The following NKAIN2 variants were observed in gnomAD, a reference collection of about 807,000 sequenced individuals.
The protein encoded by NKAIN2 is sodium/potassium transporting ATPase interacting 2.
In NKAIN2, 14 loss-of-function variants were observed where a neutral mutation model predicts 32.6. The observed-to-expected ratio is 0.43, with a 90% CI of 0.28 to 0.67. NKAIN2 has a LOEUF of 0.67. NKAIN2 is among the 30% of genes least tolerant of loss of function. The pLI is 0.17. For missense variants in NKAIN2, 198 were observed against 258.3 expected (o/e 0.77, Z 1.60); for synonymous variants, 80 against 87.2 (o/e 0.92, Z 0.46).
intron 1 of NKAIN2, among the ~76,000 whole-genome samples, chr6:124,038,416 T>C (rs1781705530): frequency 6.6e-6 from 1 of 152,032 alleles, no homozygotes; most frequent in Non-Finnish European, 1.5e-5. Context: ...GGTTTCACCA[T>C]GTTGGTCAGG....
chr6:123,907,372 A>G (rs1326945298), intron 1 of NKAIN2, among the ~76,000 whole-genome samples: 1 of 152,204 alleles, frequency 6.6e-6, no homozygotes, highest in African/African-American at 2.4e-5. Context: ...TTTGATAGCT[A>G]TAATAGACTT....
chr6:124,509,248 T>G (rs987777179), intron 3 of NKAIN2, among the ~76,000 whole-genome samples: 3 of 152,144 alleles, frequency 2.0e-5, no homozygotes, highest in Non-Finnish European at 4.4e-5. Context: ...ATGATTAAGA[T>G]TCAAGAGACT....
intron 1 of NKAIN2, among the ~76,000 whole-genome samples, chr6:124,210,089 A>G (rs183136410): frequency 1.6e-4 from 24 of 151,772 alleles, no homozygotes; most frequent in East Asian, 1.2e-3. Context: ...GAGTTCTTAC[A>G]TTTAAGTCTT....
At chr6:123,824,295 A>T (rs757608190) in intron 1 of NKAIN2, among the ~76,000 whole-genome samples, 20 of 152,164 alleles carry the variant, frequency 1.3e-4, no homozygotes, top group Non-Finnish European at 2.9e-4. Flanking sequence ...AAACTGCCTT[A>T]TTCCTAGACT....
intron 1 of NKAIN2, among the ~76,000 whole-genome samples, chr6:123,943,795 C>A (rs1029512820): frequency 2.0e-5 from 3 of 151,932 alleles, no homozygotes; most frequent in African/African-American, 7.2e-5. Context: ...ACTGGAAGAG[C>A]AAATTTGGAG....
At chr6:124,306,988 C>A (rs6940259) in intron 2 of NKAIN2, among the ~76,000 whole-genome samples, 109 of 152,182 alleles carry the variant, frequency 7.2e-4, no homozygotes, top group African/African-American at 2.6e-3. Flanking sequence ...TTATTACATG[C>A]CTAACAAGTG....
At chr6:123,804,330 GC>G in intron 1 of NKAIN2, 76 bp downstream of exon 1, 2 of 1,220,880 alleles carry the variant, frequency 1.6e-6, no homozygotes, top group South Asian at 2.4e-5. Flanking sequence ...CAAAGGGTCT[GC>G]CATTGACTAG....
chr6:124,199,145 G>A (rs185260165), intron 1 of NKAIN2, among the ~76,000 whole-genome samples: 7 of 152,170 alleles, frequency 4.6e-5, no homozygotes, highest in East Asian at 1.9e-4. Context: ...GTAGTTAGAC[G>A]ACAGGATTTT....
chr6:124,383,189 C>T (rs564071165), intron 3 of NKAIN2, among the ~76,000 whole-genome samples: 1 of 152,254 alleles, frequency 6.6e-6, no homozygotes, highest in African/African-American at 2.4e-5. Flanking sequence ...AATTTTACCT[C>T]GCTAGTGTCT....
intron 3 of NKAIN2, among the ~76,000 whole-genome samples, chr6:124,566,719 G>A (rs1439676304): frequency 6.6e-6 from 1 of 152,058 alleles, no homozygotes; most frequent in African/African-American, 2.4e-5. Flanking sequence ...ATACTAATAT[G>A]CACTTTAAAT....
At chr6:124,413,730 T>C (rs1425886479) in intron 3 of NKAIN2, among the ~76,000 whole-genome samples, 1 of 152,200 alleles carries the variant, frequency 6.6e-6, no homozygotes. Flanking sequence ...TTCTCAGCAA[T>C]GGAAAATATA....
rs563319426 is a variant in NKAIN2, at chr6:124,797,169, CAAA to C, written c.535+5791_535+5793del. ...AGAAAATATTGCTAATCCATGTTAGCAAAAAAAAAAAAAAAAAAAAAAATCATC... is the reference window on the plus strand; with the variant it reads ...AGAAAATATTGCTAATCCATGTTAGCAAAAAAAAAAAAAAAAAAAATCATC... On this transcript the variant is annotated intron_variant, in intron 5 of 6. Transcript: ENST00000368417. 7.8e-3 allele frequency among the ~76,000 whole-genome samples: 676 copies of C among 87,094 alleles called. 3 individuals are homozygous for C. Among genetic ancestry groups the C allele is most frequent in the South Asian group, 0.023 (57 of 2,488 alleles). 57.1% of individuals were successfully genotyped at this position (87,094 alleles called of 152,430 possible).
chr6:124,281,487 C>A (rs1795295554), intron 1 of NKAIN2, among the ~76,000 whole-genome samples: 1 of 152,168 alleles, frequency 6.6e-6, no homozygotes, highest in Non-Finnish European at 1.5e-5. Flanking sequence ...AGTCCTATGA[C>A]AGTCTGTGTT....
chr6:124,681,546 T>G (rs1019182130), intron 4 of NKAIN2, among the ~76,000 whole-genome samples: 2 of 152,080 alleles, frequency 1.3e-5, no homozygotes, highest in Non-Finnish European at 2.9e-5. Flanking sequence ...ATAAATATCT[T>G]TGTACCCTTT....
chr6:124,236,870 G>A (rs1792796102), intron 1 of NKAIN2, among the ~76,000 whole-genome samples: 1 of 152,180 alleles, frequency 6.6e-6, no homozygotes, highest in Admixed American at 6.6e-5. Context: ...TTAATAAGAT[G>A]TTAAGAGAAG....
chr6:124,178,777 T>C (rs538519615), intron 1 of NKAIN2, among the ~76,000 whole-genome samples: 6 of 152,242 alleles, frequency 3.9e-5, no homozygotes, highest in Non-Finnish European at 7.3e-5. Flanking sequence ...CTCTAGGCTC[T>C]ATGCTTCCCA....
chr6:124,461,915 TA>T (rs566132557), intron 3 of NKAIN2, among the ~76,000 whole-genome samples: 1,613 of 139,748 alleles, frequency 0.012, 18 homozygotes, highest in African/African-American at 0.027. Flanking sequence ...TTGAGGTTAA[TA>T]AAAAAAAAAA....
chr6:123,883,894 C>CA (rs369070419), intron 1 of NKAIN2, among the ~76,000 whole-genome samples: 15,068 of 63,480 alleles, frequency 0.24, 2,594 homozygotes, highest in African/African-American at 0.34. Context: ...GACTCTGTCT[C>CA]AAAAAAAAAA....
intron 1 of NKAIN2, among the ~76,000 whole-genome samples, chr6:124,274,820 T>C (rs1247597799): frequency 6.6e-6 from 1 of 151,860 alleles, no homozygotes; most frequent in Non-Finnish European, 1.5e-5. Flanking sequence ...GATAAAAAAA[T>C]TAAGCTAAAA....
Sources: gnomAD v4.1 joint callset for allele counts (sites outside exome capture counted in the v4.1 genomes callset) on GRCh38, gnomAD v4.1.1 for gene constraint, MANE v1.5 for transcripts, NCBI Gene and HGNC (gene_info 2026-07-23, HGNC 2026-07-21) for gene names.